BTBD2: variants seen among roughly 807,000 people sequenced by gnomAD.
The protein encoded by BTBD2 is BTB/POZ domain-containing protein 2.
BTBD2 carries 15 observed loss-of-function variants against 44.0 expected under a neutral mutation model. The ratio of observed to expected loss-of-function variants is 0.34; its 90% CI spans 0.23 to 0.53. BTBD2 has a LOEUF of 0.53. Ranked by LOEUF, BTBD2 falls within the 20% of genes least tolerant of loss-of-function variation. The pLI is 0.95. For missense variants in BTBD2, 657 were observed against 746.4 expected (o/e 0.88, Z 1.39); for synonymous variants, 443 against 335.9 (o/e 1.32, Z -3.49).
rs755224167 is a variant in BTBD2, at chr19:2,015,333, C to G, written c.371G>C (p.Gly124Ala). 1 of 1,580,402 alleles carries G rather than the reference C, an allele frequency of 6.3e-7. No homozygotes were observed. The highest frequency in any genetic ancestry group is 1.1e-5 in the South Asian group (1 of 88,714). ...GATGCGCTGCGAGCTGAGCCCCTTGCCCACCAGGAAGTGCACGTCGCACAG... is the reference window on the plus strand; with the variant it reads ...GATGCGCTGCGAGCTGAGCCCCTTGGCCACCAGGAAGTGCACGTCGCACAG... ...EVLCDVHFLV[G>A]KGLSSQRIPA... The change falls in exon 1 of 9, where the codon GGC becomes GCC. Residue 124 changes from glycine to alanine, a missense_variant. Physicochemically the swap from Gly to Ala is moderately conservative, Grantham distance 60. This residue lies in a region of BTBD2 where 191 missense variants were observed against 188.5 expected (regional missense o/e 1.01). Coordinates refer to ENST00000255608, the MANE Select transcript of BTBD2 (RefSeq NM_017797.4).
intron 1 of BTBD2, chr19:2,013,676 T>C (rs1247642381): frequency 3.1e-6 from 3 of 981,484 alleles, no homozygotes; most frequent in Non-Finnish European, 3.6e-6. Flanking sequence ...GGGCTGTGGA[T>C]GGTAGTCTAT....
Position 1,987,274 on chromosome 19 carries a change from C to A in BTBD2, c.1182-21G>T, listed in dbSNP as rs772615559. 1.3e-5 allele frequency: 21 copies of A among 1,612,706 alleles called. No homozygotes were observed. The Middle Eastern group carries it at 4.9e-4, about 38-fold the overall frequency. The stretch of plus-strand genomic sequence containing the variant: ...AGAACCTGCCGTGGCAGATGACAGG[C>A]AGCAGCGTGGATACCCAGGGATAGC... On this transcript the variant is annotated intron_variant, in intron 6 of 8. Transcript: ENST00000255608.
chr19:2,008,623 A>C (rs1599360353), intron 1 of BTBD2, among the ~76,000 whole-genome samples: 2 of 122,686 alleles, frequency 1.6e-5, no homozygotes, highest in Admixed American at 1.0e-4. Flanking sequence ...ACAGAGTCTC[A>C]CTCTATCGCC....
In BTBD2 at chr19:1,990,149, C is replaced by T. The variant is rs763577542; in HGVS notation, c.843G>A (p.Arg281=). Residue 281 remains arginine (R), a synonymous_variant, in exon 5 of 9, where the codon CGG becomes CGA. Transcript: ENST00000255608. The part of the protein sequence containing the change: ...ERDTLGIREV[R]LFNAVVRWSE... ...ACCAGCGGACAACGGCATTGAACAGCCGCACCTCACGGATGCCCAGTGTGT... is the reference window on the plus strand; with the variant it reads ...ACCAGCGGACAACGGCATTGAACAGTCGCACCTCACGGATGCCCAGTGTGT... 2 of 1,611,232 alleles carry T rather than the reference C, an allele frequency of 1.2e-6. No homozygotes were observed. Among genetic ancestry groups the T allele is most frequent in the East Asian group, 2.2e-5 (1 of 44,792 alleles).
In BTBD2 at chr19:1,986,181, G is replaced by C; in HGVS notation, c.*307C>G. On this transcript the variant is annotated 3_prime_UTR_variant, in exon 9 of 9. Coordinates refer to ENST00000255608, the MANE Select transcript of BTBD2 (RefSeq NM_017797.4). ...CCGCCGGCAGACGACGTGGGCAGGC[G>C]CCCTGAGCTGCGGGTCCGTGGGCCC... The C allele has an allele frequency of 2.5e-6, 1 of 393,718 alleles. No individual in the cohort carries two copies. Among genetic ancestry groups the C allele is most frequent in the Non-Finnish European group, 4.6e-6 (1 of 215,102 alleles). 24.4% of individuals were successfully genotyped at this position (393,718 alleles called of 1,614,324 possible).
Position 1,993,154 on chromosome 19 carries a change from G to T in BTBD2, c.550C>A (p.Gln184Lys), listed in dbSNP as rs148736503. Residue 184 changes from glutamine (Q) to lysine (K), a missense_variant, in exon 3 of 9, where the codon CAG becomes AAG. Gln to Lys is a moderately conservative substitution (Grantham distance 53). Around this residue, in one of 3 missense-constraint regions of BTBD2, gnomAD observed 449 missense variants for 510.9 expected, o/e 0.88. Coordinates refer to ENST00000255608, the MANE Select transcript of BTBD2 (RefSeq NM_017797.4). ...GTCATCACCGTCTCCGGGCCAATCT[G>T]CACCTCGTCCGAGTAGAGAAACCTG... The part of the protein sequence containing the change: ...LLKFLYSDEV[Q>K]IGPETVMTTL... The T allele has an allele frequency of 6.2e-7, 1 of 1,604,056 alleles. No individual in the cohort carries two copies.
rs533871078 is a variant in BTBD2, at chr19:2,000,247, G to A, written c.408-2784C>T. 2.4e-4 allele frequency among the ~76,000 whole-genome samples: 36 copies of A among 152,138 alleles called. No homozygotes were observed. The South Asian group carries it at 5.0e-3, about 21-fold the overall frequency. ...CGCCCGCCCGTCTGCCCTCCTGGCC[G>A]CGTCCTCAAGGGCCCAGGCCTCAGG... is the stretch of plus-strand genomic sequence containing the variant. On this transcript the variant is annotated intron_variant, in intron 1 of 8. Transcript: ENST00000255608.
Position 1,986,359 on chromosome 19 carries a change from C to T in BTBD2, c.*129G>A. On this transcript the variant is annotated 3_prime_UTR_variant, in exon 9 of 9. Coordinates refer to ENST00000255608, the MANE Select transcript of BTBD2 (RefSeq NM_017797.4). ...CCCGTCCTGATGCTGAGAAAGGTGG[C>T]ATGGAGTGGACAGACGGCCTGGGGG... The T allele has an allele frequency of 3.5e-6, 4 of 1,151,614 alleles. No homozygotes were observed. The highest frequency in any genetic ancestry group is 5.0e-6 in the Non-Finnish European group (4 of 793,536). 71.3% of individuals were successfully genotyped at this position (1,151,614 alleles called of 1,614,324 possible).
chr19:1,997,354 C>A lies in BTBD2; in HGVS notation c.517G>T (p.Ala173Ser). Residue 173 changes from alanine (A) to serine (S), a missense_variant, in exon 2 of 9, where the codon GCA becomes TCA. Ala to Ser is a moderately conservative substitution (Grantham distance 99). Around this residue, in one of 3 missense-constraint regions of BTBD2, gnomAD observed 449 missense variants for 510.9 expected, o/e 0.88. Coordinates refer to ENST00000255608, the MANE Select transcript of BTBD2 (RefSeq NM_017797.4). ...ATCCGGAAGCATTACTTGAGCAGTGCGAGGAAGGCAGCGGGTTCCACGTCG... is the reference window on the plus strand; with the variant it reads ...ATCCGGAAGCATTACTTGAGCAGTGAGAGGAAGGCAGCGGGTTCCACGTCG... ...LPDVEPAAFL[A>S]LLKFLYSDEV... 1 of 1,614,118 alleles carries A rather than the reference C, an allele frequency of 6.2e-7. No homozygotes were observed. Among genetic ancestry groups the A allele is most frequent in the East Asian group, 2.2e-5 (1 of 44,886 alleles).
chr19:2,007,914 G>C (rs1323940300), intron 1 of BTBD2, among the ~76,000 whole-genome samples: 1 of 152,170 alleles, frequency 6.6e-6, no homozygotes, highest in African/African-American at 2.4e-5. Context: ...AGCCAGGACT[G>C]TATTTCAGTG....
In BTBD2 at chr19:2,012,204, G is replaced by A. The variant is rs1352188709; in HGVS notation, c.407+3093C>T. On this transcript the variant is annotated intron_variant, in intron 1 of 8. Transcript: ENST00000255608. ...GTGTCACTGTGTCGCCTGGGCTGGA[G>A]TGCAATGGCGCAATCTCGGTTCCCT... 7.5e-5 allele frequency among the ~76,000 whole-genome samples: 11 copies of A among 147,568 alleles called. 1 individual carries two copies. The highest frequency in any genetic ancestry group is 2.6e-4 in the African/African-American group (10 of 38,534).
rs1385086870 is a variant in BTBD2 at position 2,015,475 on chromosome 19, C to T, written c.229G>A (p.Ala77Thr). The T allele has an allele frequency of 3.3e-5, 41 of 1,260,856 alleles. No homozygotes were observed. Among genetic ancestry groups the T allele is most frequent in the Middle Eastern group, 3.1e-4 (1 of 3,258 alleles). 78.1% of individuals were successfully genotyped at this position (1,260,856 alleles called of 1,614,324 possible). ...TDAQAAGAER[A>T]EEAAGPGAAA... ...GCCCCCGGGCCCGCCGCCTCCTCCG[C>T]CCGCTCCGCGCCCGCGGCCTGCGCG... The change falls in exon 1 of 9, where the codon GCG becomes ACG. Residue 77 changes from alanine to threonine, a missense_variant. Physicochemically the swap from Ala to Thr is moderately conservative, Grantham distance 58. Transcript: ENST00000255608.
At chr19:1,988,030 T>A (rs2016117842) in intron 5 of BTBD2, 1 of 271,466 alleles carries the variant, frequency 3.7e-6, no homozygotes, top group Non-Finnish European at 7.0e-6. Context: ...GGCGGGGGGC[T>A]CCACTGCCTG....
intron 2 of BTBD2, among the ~76,000 whole-genome samples, chr19:1,996,088 C>A (rs1303642093): frequency 2.1e-5 from 2 of 93,640 alleles, no homozygotes; most frequent in African/African-American, 1.0e-4. Flanking sequence ...GCCTTGGCAC[C>A]CTTGCAAAAA....
rs1194216194 is a variant in BTBD2, at chr19:1,990,921, A to G, written c.685-99T>C. The G allele has an allele frequency of 8.0e-6, 9 of 1,120,220 alleles. No individual in the cohort carries two copies. In the African/African-American group the frequency reaches 1.2e-4, roughly 15 times the overall value. 69.4% of individuals were successfully genotyped at this position (1,120,220 alleles called of 1,614,324 possible). ...CCGGTTCAAATGCAGCCCTGACCAC[A>G]CGGGCCTTCCTGAGCGTGGCCAGGA... On this transcript the variant is annotated intron_variant, in intron 3 of 8. Transcript: ENST00000255608.
chr19:2,010,161 A>G (rs2016446473), intron 1 of BTBD2, among the ~76,000 whole-genome samples: 1 of 152,216 alleles, frequency 6.6e-6, no homozygotes, highest in Non-Finnish European at 1.5e-5. Flanking sequence ...CAAAAAAAAG[A>G]AAAAGGTATT....
intron 5 of BTBD2, 118 bp downstream of exon 5, chr19:1,989,886 A>G: frequency 8.5e-7 from 1 of 1,181,832 alleles, no homozygotes; most frequent in Non-Finnish European, 1.2e-6. Context: ...CTATCTGTAT[A>G]TGCCAGGCAT....
Position 1,987,661 on chromosome 19 carries a change from G to C in BTBD2, c.1020C>G (p.Arg340=). 2 of 1,609,384 alleles carry C rather than the reference G, an allele frequency of 1.2e-6. No individual in the cohort carries two copies. The highest frequency in any genetic ancestry group is 2.2e-5 in the East Asian group (1 of 44,826). The part of the protein sequence containing the change: ...GPAQSGILVD[R]EVVSLFLHFT... ...AGTGCAGGAAGAGGCTGACCACCTC[G>C]CGGTCCACCAGGATGCCCGACTGTG... The change falls in exon 6 of 9, where the codon CGC becomes CGG. Residue 340 remains arginine, a synonymous_variant. Transcript: ENST00000255608.
At position 1,990,014 on chromosome 19, in the gene BTBD2, C is replaced by T; in HGVS notation, c.978G>A (p.Glu326=). 4.3e-6 allele frequency: 7 copies of T among 1,613,364 alleles called. No homozygotes were observed. The highest frequency in any genetic ancestry group is 5.9e-6 in the Non-Finnish European group (7 of 1,180,012). ...LIRFPLMTIE[E]FAAGPAQSGI... The stretch of plus-strand genomic sequence containing the variant: ...CCCGAGCTCTGTTACCTGCAGCGAA[C>T]TCCTCGATGGTCATGAGCGGGAAGC... Residue 326 remains glutamate (E), a synonymous_variant, in exon 5 of 9, where the codon GAG becomes GAA. Coordinates refer to ENST00000255608, the MANE Select transcript of BTBD2 (RefSeq NM_017797.4).
Sources: allele counts gnomAD v4.1 joint callset (sites outside exome capture counted in the v4.1 genomes callset), GRCh38; gene constraint gnomAD v4.1.1; regional missense constraint gnomAD v4.1.1; transcripts MANE v1.5; gene names NCBI Gene and HGNC (gene_info 2026-07-23, HGNC 2026-07-21).